The following MAGI2 variants were observed in gnomAD, a reference collection of about 807,000 sequenced individuals.
MAGI2 encodes the protein membrane associated guanylate kinase, WW and PDZ domain containing 2, also known as membrane-associated guanylate kinase, WW and PDZ domain-containing protein 2.
A neutral mutation model predicts 133.3 loss-of-function variants in MAGI2; 35 were observed. The ratio of observed to expected loss-of-function variants is 0.26; its 90% CI spans 0.20 to 0.35. The LOEUF is 0.35. Ranked by LOEUF, MAGI2 falls within the 10% of genes least tolerant of loss-of-function variation. The pLI, the probability that MAGI2 is intolerant of heterozygous loss-of-function variation, is 1.00. For missense variants in MAGI2, 1,636 were observed against 1,863.4 expected (o/e 0.88, Z 2.25); for synonymous variants, 729 against 710.6 (o/e 1.03, Z -0.41).
intron 1 of MAGI2, among the ~76,000 whole-genome samples, chr7:79,440,247 C>T (rs568672574): frequency 5.3e-5 from 8 of 151,550 alleles, no homozygotes; most frequent in Admixed American, 1.3e-4. Context: ...AATTAGAACA[C>T]TTTGATGAGT....
At chr7:78,626,645 A>G (rs1808378664) in intron 3 of MAGI2, among the ~76,000 whole-genome samples, 1 of 152,048 alleles carries the variant, frequency 6.6e-6, no homozygotes, top group Non-Finnish European at 1.5e-5. Flanking sequence ...TTTCTACCCC[A>G]TAATTTCGTG....
intron 2 of MAGI2, among the ~76,000 whole-genome samples, chr7:78,884,828 C>G (rs556963354): frequency 6.7e-6 from 1 of 149,070 alleles, no homozygotes; most frequent in South Asian, 2.1e-4. Context: ...GATATACACC[C>G]AAACAAAAAT....
chr7:78,897,720 G>A (rs964678251), intron 2 of MAGI2, among the ~76,000 whole-genome samples: 1 of 152,160 alleles, frequency 6.6e-6, no homozygotes, highest in Non-Finnish European at 1.5e-5. Context: ...ATTGTTTTGT[G>A]CAGTATGGCT....
At chr7:78,740,798 T>C (rs1324178880) in intron 2 of MAGI2, among the ~76,000 whole-genome samples, 1 of 152,206 alleles carries the variant, frequency 6.6e-6, no homozygotes, top group African/African-American at 2.4e-5. Flanking sequence ...TAAGGATATG[T>C]GAAAGCAAAC....
chr7:78,501,832 A>G, intron 4 of MAGI2, 45 bp from the exon 5 acceptor site: 3 of 1,418,484 alleles, frequency 2.1e-6, no homozygotes, highest in South Asian at 1.2e-5. Context: ...CAACCATGGT[A>G]ACTCTGGACT....
rs562070882 is a variant in MAGI2, at chr7:78,566,863, G to C, written c.539-45218C>G. On this transcript the variant is annotated intron_variant, in intron 3 of 21. Coordinates refer to ENST00000354212, the MANE Select transcript of MAGI2 (RefSeq NM_012301.4). ...AAAAAAATTCATGTAATCAGCCTGA[G>C]AATTGAAAAACTATAGCCTAATGCC... 5.9e-5 allele frequency among the ~76,000 whole-genome samples: 9 copies of C among 152,180 alleles called. No homozygotes were observed. In the East Asian group the frequency reaches 1.5e-3, roughly 26 times the overall value.
At chr7:78,313,654 G>A (rs1798914364) in intron 9 of MAGI2, among the ~76,000 whole-genome samples, 2 of 151,604 alleles carry the variant, frequency 1.3e-5, no homozygotes, top group Admixed American at 1.3e-4. Context: ...AGAAATTTAT[G>A]GAAGGGGAAG....
At chr7:79,135,242 C>T (rs1201786939) in intron 1 of MAGI2, among the ~76,000 whole-genome samples, 3 of 151,902 alleles carry the variant, frequency 2.0e-5, no homozygotes, top group Admixed American at 2.0e-4. Flanking sequence ...AAAACAGTAT[C>T]AGGGAAATGG....
intron 6 of MAGI2, among the ~76,000 whole-genome samples, chr7:78,478,668 G>C (rs1792035533): frequency 6.6e-6 from 1 of 151,840 alleles, no homozygotes; most frequent in African/African-American, 2.4e-5. Context: ...TCCAAATACA[G>C]CTAAATACCC....
At chr7:78,357,456 T>C (rs1432952840) in intron 7 of MAGI2, among the ~76,000 whole-genome samples, 2 of 152,134 alleles carry the variant, frequency 1.3e-5, no homozygotes, top group Non-Finnish European at 2.9e-5. Context: ...TAAGCCACAC[T>C]AGCAAAAAAG....
chr7:78,194,071 A>C (rs1330616752), intron 12 of MAGI2, among the ~76,000 whole-genome samples: 1 of 152,176 alleles, frequency 6.6e-6, no homozygotes, highest in Non-Finnish European at 1.5e-5. Flanking sequence ...AAATCAGCAG[A>C]CCGTAATGGG....
chr7:79,352,291 T>C (rs752883500), intron 1 of MAGI2, among the ~76,000 whole-genome samples: 2 of 152,226 alleles, frequency 1.3e-5, no homozygotes. Flanking sequence ...TTGTCTCATT[T>C]GGGAAAATAT....
intron 1 of MAGI2, among the ~76,000 whole-genome samples, chr7:79,181,551 C>A (rs549489666): frequency 1.3e-5 from 2 of 152,082 alleles, no homozygotes; most frequent in Admixed American, 6.5e-5. Flanking sequence ...TCCCCCTAAA[C>A]CTCCGGGCCT....
chr7:79,077,533 C>CCACTGCA (rs899636445), intron 1 of MAGI2, among the ~76,000 whole-genome samples: 3 of 132,384 alleles, frequency 2.3e-5, no homozygotes, highest in African/African-American at 8.5e-5. Flanking sequence ...CGAGATTGTG[C>CCACTGCA]CACTGCACTC....
chr7:79,266,118 GGA>G (rs1834438342), intron 1 of MAGI2, among the ~76,000 whole-genome samples: 4 of 152,026 alleles, frequency 2.6e-5, no homozygotes, highest in African/African-American at 9.7e-5. Flanking sequence ...GCTGGAGGAT[GGA>G]GTGGCATGAA....
intron 2 of MAGI2, among the ~76,000 whole-genome samples, chr7:78,987,257 G>GCAGATTTTTTCCTATATATATATAA (rs1805354428): frequency 6.6e-6 from 1 of 151,996 alleles, no homozygotes; most frequent in African/African-American, 2.4e-5. Context: ...TTGGAAAAAA[G>GCAGATTTTTTCCTATATATATATAA]TGCAGATATA....
intron 2 of MAGI2, among the ~76,000 whole-genome samples, chr7:78,674,987 T>C (rs1312770411): frequency 2.6e-5 from 4 of 152,162 alleles, no homozygotes; most frequent in Non-Finnish European, 5.9e-5. Flanking sequence ...GGACAAAGCT[T>C]TCTCTTTTCA....
At chr7:78,985,678 T>A (rs1002549125) in intron 2 of MAGI2, among the ~76,000 whole-genome samples, 1 of 152,032 alleles carries the variant, frequency 6.6e-6, no homozygotes, top group African/African-American at 2.4e-5. Context: ...TTAAACTAAG[T>A]CTAAACTTTT....
At chr7:78,306,586 T>C (rs1271047090) in intron 9 of MAGI2, among the ~76,000 whole-genome samples, 1 of 152,172 alleles carries the variant, frequency 6.6e-6, no homozygotes, top group African/African-American at 2.4e-5. Flanking sequence ...TAAAATGCTA[T>C]GATGCAGAAG....
Sources: allele counts gnomAD v4.1 joint callset (sites outside exome capture counted in the v4.1 genomes callset), GRCh38; gene constraint gnomAD v4.1.1; transcripts MANE v1.5; gene names NCBI Gene and HGNC (gene_info 2026-07-23, HGNC 2026-07-21).